Variants in ATG7 observed in about 807,000 individuals in gnomAD.
ATG7 encodes the protein ubiquitin-like modifier-activating enzyme ATG7.
Under a neutral mutation model 82.4 loss-of-function variants are expected in ATG7, and 70 were observed. The ratio of observed to expected loss-of-function variants is 0.85; its 90% CI spans 0.70 to 1.04. The LOEUF is 1.04. Ranked by LOEUF, ATG7 falls within the 50% of genes least tolerant of loss-of-function variation. The probability of loss-of-function intolerance (pLI) is 0.00; values close to 1 mark genes in which losing one functional copy is unlikely to be tolerated. For synonymous variants in ATG7, 287 were observed against 313.0 expected, an observed-to-expected ratio of 0.92 and a Z score of 0.88; for missense variants, 792 against 864.3, an observed-to-expected ratio of 0.92 and a Z score of 1.05.
In ATG7 at chr3:11,427,311, G is replaced by A. The variant is rs530825804; in HGVS notation, c.2079+385G>A. 1.4e-4 allele frequency among the ~76,000 whole-genome samples: 21 copies of A among 152,188 alleles called. No individual in the cohort carries two copies. The East Asian group carries it at 3.5e-3, about 25-fold the overall frequency. On this transcript the variant is annotated intron_variant, in intron 20 of 20. Transcript: ENST00000693202. ...TCCAGCTATGTTCTTTAGAAAGAAG[G>A]TATTGGACTCTGGCCATGTTCTTCA... is the stretch of plus-strand genomic sequence containing the variant.
At chr3:11,558,042 G>A (rs896335258), downstream of ATG7, 1 of 157,852 alleles carries the variant, frequency 6.3e-6, no homozygotes, top group Non-Finnish European at 1.4e-5. Flanking sequence ...AACACATAAA[G>A]TTGTCAGGCA....
intron 20 of ATG7, among the ~76,000 whole-genome samples, chr3:11,446,204 G>A (rs1314691827): frequency 1.3e-5 from 2 of 150,698 alleles, no homozygotes; most frequent in Admixed American, 6.7e-5. Context: ...TATCTAGGAT[G>A]CTTTAAAAAA....
intron 19 of ATG7, among the ~76,000 whole-genome samples, chr3:11,415,999 A>G (rs538973501): frequency 6.6e-6 from 1 of 152,312 alleles, no homozygotes; most frequent in Admixed American, 6.5e-5. Context: ...CAGCTTCACT[A>G]GGGATTAGGA....
chr3:11,558,736 C>T, downstream of ATG7: 2 of 1,614,194 alleles, frequency 1.2e-6, no homozygotes, highest in Non-Finnish European at 1.7e-6. Flanking sequence ...CCGTGATGGA[C>T]ACGGAGTTGG....
At chr3:11,534,438 T>C (rs913686271) in intron 20 of ATG7, among the ~76,000 whole-genome samples, 8 of 152,214 alleles carry the variant, frequency 5.3e-5, no homozygotes, top group African/African-American at 1.9e-4. Flanking sequence ...CATCTTCTGC[T>C]CACAGGCAGG....
intron 20 of ATG7, among the ~76,000 whole-genome samples, chr3:11,489,050 G>A (rs958861426): frequency 1.3e-5 from 2 of 148,658 alleles, no homozygotes; most frequent in African/African-American, 5.2e-5. Context: ...TTTTTGGTTG[G>A]TAAGCTATTG....
chr3:11,278,853 T>C (rs1942452682), intron 1 of ATG7, among the ~76,000 whole-genome samples: 2 of 152,178 alleles, frequency 1.3e-5, no homozygotes, highest in African/African-American at 4.8e-5. Flanking sequence ...AGGACTAGAA[T>C]ACAGGAGGAT....
At chr3:11,396,825 G>A (rs922034209) in intron 19 of ATG7, among the ~76,000 whole-genome samples, 2 of 149,798 alleles carry the variant, frequency 1.3e-5, no homozygotes, top group African/African-American at 4.9e-5. Context: ...ATTAAAACTT[G>A]GAGGAGGTAG....
chr3:11,511,458 G>C (rs1466318234), intron 20 of ATG7, among the ~76,000 whole-genome samples: 1 of 152,222 alleles, frequency 6.6e-6, no homozygotes. Context: ...GGTGCTGATT[G>C]GTGTATTTGT....
At chr3:11,438,262 C>A (rs1053476021) in intron 20 of ATG7, among the ~76,000 whole-genome samples, 2 of 152,122 alleles carry the variant, frequency 1.3e-5, no homozygotes, top group African/African-American at 2.4e-5. Flanking sequence ...GCAGTGGTTC[C>A]CACCCATCCT....
At chr3:11,573,363 GAAAGAAAGAAAGAA>G in the ATG7 span, among the ~76,000 whole-genome samples, 9 of 112,846 alleles carry the variant, frequency 8.0e-5, no homozygotes, top group African/African-American at 2.7e-4. Context: ...AAGAAAGAAA[GAAAGAAAGAAAGAA>G]AGAAAGAAAG....
intron 20 of ATG7, among the ~76,000 whole-genome samples, chr3:11,447,803 A>T (rs529559103): frequency 2.5e-4 from 38 of 152,290 alleles, no homozygotes; most frequent in African/African-American, 8.7e-4. Context: ...AAGGGCTGCC[A>T]TGATTGGCCA....
At chr3:11,507,593 C>T (rs2091804113) in intron 20 of ATG7, among the ~76,000 whole-genome samples, 1 of 152,152 alleles carries the variant, frequency 6.6e-6, no homozygotes, top group Non-Finnish European at 1.5e-5. Context: ...GGTTTGTTCC[C>T]TCCATTATAA....
At chr3:11,454,788 T>C (rs2085538273) in intron 20 of ATG7, among the ~76,000 whole-genome samples, 1 of 152,220 alleles carries the variant, frequency 6.6e-6, no homozygotes, top group Non-Finnish European at 1.5e-5. Context: ...AGATTCTCAT[T>C]GAGTTAAACA....
intron 20 of ATG7, among the ~76,000 whole-genome samples, chr3:11,553,871 G>A (rs1311674859): frequency 6.6e-6 from 1 of 152,202 alleles, no homozygotes; most frequent in Non-Finnish European, 1.5e-5. Flanking sequence ...ATCTCCCCGG[G>A]CCAGCCTCGT....
chr3:11,498,570 C>G (rs1490443707), intron 20 of ATG7, among the ~76,000 whole-genome samples: 1 of 152,192 alleles, frequency 6.6e-6, no homozygotes, highest in Admixed American at 6.5e-5. Flanking sequence ...CTCCTGTGAC[C>G]AAACCCCTCC....
At chr3:11,332,843 A>G (rs1559411709) in intron 10 of ATG7, 129 bp from the exon 11 acceptor site, 1 of 950,418 alleles carries the variant, frequency 1.1e-6, no homozygotes, top group African/African-American at 1.7e-5. Flanking sequence ...TCCTGTGGGT[A>G]TCAGAGAGGC....
intron 20 of ATG7, among the ~76,000 whole-genome samples, chr3:11,496,032 C>G (rs1282140449): frequency 6.6e-6 from 1 of 152,168 alleles, no homozygotes; most frequent in Non-Finnish European, 1.5e-5. Context: ...GGCATGCTCC[C>G]TGCATCACAG....
intron 19 of ATG7, among the ~76,000 whole-genome samples, chr3:11,384,847 G>C (rs1435935281): frequency 6.6e-6 from 1 of 151,966 alleles, no homozygotes; most frequent in Non-Finnish European, 1.5e-5. Context: ...TGTAGTCCCA[G>C]CTACTTGGGG....
Sources: allele counts gnomAD v4.1 joint callset (sites outside exome capture counted in the v4.1 genomes callset), GRCh38; gene constraint gnomAD v4.1.1; transcripts MANE v1.5; gene names NCBI Gene and HGNC (gene_info 2026-07-23, HGNC 2026-07-21).